The following C10orf90 variants were observed in gnomAD, a reference collection of about 807,000 sequenced individuals.
The protein encoded by C10orf90 is chromosome 10 open reading frame 90.
Under a neutral mutation model 62.5 loss-of-function variants are expected in C10orf90, and 56 were observed. The ratio of observed to expected loss-of-function variants is 0.90; its 90% CI spans 0.72 to 1.12. The LOEUF (loss-of-function observed/expected upper bound fraction) is 1.12, where lower values mean the gene tolerates loss of function less well. C10orf90 is among the 50% of genes most tolerant of loss of function. C10orf90 has a pLI of 0.00. For missense variants in C10orf90, 970 were observed against 880.4 expected (o/e 1.10, Z -1.29); for synonymous variants, 386 against 340.4 (o/e 1.13, Z -1.47).
intron 2 of C10orf90, among the ~76,000 whole-genome samples, chr10:126,565,328 TTTATATTA>T (rs1197584838): frequency 2.4e-4 from 11 of 45,626 alleles, no homozygotes; most frequent in African/African-American, 1.3e-3. Flanking sequence ...ATATTATATA[TTTATATTA>T]TATATAATAT....
At chr10:126,502,925 T>A in intron 4 of C10orf90, 1 of 389,664 alleles carries the variant, frequency 2.6e-6, no homozygotes, top group Non-Finnish European at 5.1e-6. Context: ...TTTCAATATA[T>A]ATACAGTTGT....
chr10:126,626,128 CAAAA>C (rs35587001), intron 2 of C10orf90, among the ~76,000 whole-genome samples: 120 of 109,888 alleles, frequency 1.1e-3, no homozygotes, highest in Middle Eastern at 4.6e-3. Context: ...GATTCCATCT[CAAAA>C]AAAAAAAAAA....
intron 2 of C10orf90, among the ~76,000 whole-genome samples, chr10:126,565,437 T>TAC (rs71032507): frequency 5.8e-4 from 42 of 72,434 alleles, no homozygotes; most frequent in Middle Eastern, 6.0e-3. Flanking sequence ...ATATATATTA[T>TAC]ACACACACAC....
At chr10:126,433,494 C>G (rs1447773606) in intron 7 of C10orf90, among the ~76,000 whole-genome samples, 4 of 152,066 alleles carry the variant, frequency 2.6e-5, no homozygotes. Flanking sequence ...AGCCCAGGGT[C>G]ACATAGACCT....
intron 2 of C10orf90, among the ~76,000 whole-genome samples, chr10:126,632,139 A>T (rs535551515): frequency 6.6e-6 from 1 of 152,234 alleles, no homozygotes; most frequent in East Asian, 1.9e-4. Flanking sequence ...AAGTGACGGT[A>T]AGTTTCAGGC....
chr10:126,478,165 G>T (rs1860993141), intron 4 of C10orf90, among the ~76,000 whole-genome samples: 1 of 152,194 alleles, frequency 6.6e-6, no homozygotes, highest in East Asian at 1.9e-4. Context: ...ATTTGAGAAA[G>T]ACAGAAGGCA....
chr10:126,637,506 C>T (rs1057429114), intron 2 of C10orf90, among the ~76,000 whole-genome samples: 1 of 152,212 alleles, frequency 6.6e-6, no homozygotes, highest in Non-Finnish European at 1.5e-5. Flanking sequence ...AGCAAGTATT[C>T]ATCAAATCCA....
intron 2 of C10orf90, among the ~76,000 whole-genome samples, chr10:126,623,902 T>C (rs1025370647): frequency 6.6e-6 from 1 of 150,990 alleles, no homozygotes; most frequent in Admixed American, 6.6e-5. Context: ...CAGGCTACAG[T>C]CCCAGCCCTT....
chr10:126,507,044 A>G (rs986522855), intron 3 of C10orf90, among the ~76,000 whole-genome samples: 5 of 151,984 alleles, frequency 3.3e-5, no homozygotes, highest in African/African-American at 1.2e-4. Flanking sequence ...CCATCACATT[A>G]TATGTGGGTT....
At chr10:126,506,222 T>C (rs2133893222) in intron 3 of C10orf90, among the ~76,000 whole-genome samples, 1 of 152,346 alleles carries the variant, frequency 6.6e-6, no homozygotes, top group East Asian at 1.9e-4. Flanking sequence ...CAAAAGAGTA[T>C]GCTATGATTT....
intron 2 of C10orf90, among the ~76,000 whole-genome samples, chr10:126,609,416 A>T (rs1348098710): frequency 6.6e-6 from 1 of 152,218 alleles, no homozygotes; most frequent in Non-Finnish European, 1.5e-5. Flanking sequence ...AAAACAAAAA[A>T]GGTATGTGAA....
At chr10:126,525,866 T>G (rs992635226) in intron 2 of C10orf90, among the ~76,000 whole-genome samples, 15 of 152,150 alleles carry the variant, frequency 9.9e-5, no homozygotes, top group African/African-American at 3.6e-4. Context: ...CTGTTGTTGT[T>G]GTTTAATGGA....
intron 7 of C10orf90, among the ~76,000 whole-genome samples, chr10:126,449,138 A>T (rs530605333): frequency 6.6e-6 from 1 of 152,360 alleles, no homozygotes; most frequent in African/African-American, 2.4e-5. Flanking sequence ...AAAATCCTCA[A>T]CAAAATACTA....
chr10:126,617,266 C>T (rs1439086079), intron 2 of C10orf90, among the ~76,000 whole-genome samples: 5 of 152,160 alleles, frequency 3.3e-5, no homozygotes, highest in African/African-American at 1.2e-4. Context: ...GGTCTCCAAC[C>T]AGAGCAGGAT....
intron 2 of C10orf90, among the ~76,000 whole-genome samples, chr10:126,576,245 T>A: frequency 6.6e-6 from 1 of 151,774 alleles, no homozygotes; most frequent in Non-Finnish European, 1.5e-5. Flanking sequence ...CCAATTTGAT[T>A]TAAAAATGGG....
rs1006256680 is a variant in C10orf90, at chr10:126,492,058, G to A, written c.1534+11899C>T. 1.9e-4 allele frequency among the ~76,000 whole-genome samples: 29 copies of A among 152,262 alleles called. 1 individual carries two copies. Among genetic ancestry groups the A allele is most frequent in the East Asian group, 7.7e-4 (4 of 5,188 alleles). On this transcript the variant is annotated intron_variant, in intron 4 of 9. Coordinates refer to ENST00000488181, the MANE Select transcript of C10orf90 (RefSeq NM_001350921.2). The stretch of plus-strand genomic sequence containing the variant: ...TAAATGCAAGATGGCATCCTGGATC[G>A]GATCCTGGAACAGAAAAAGGACATT...
intron 2 of C10orf90, among the ~76,000 whole-genome samples, chr10:126,532,495 C>T (rs939557050): frequency 6.6e-6 from 1 of 151,922 alleles, no homozygotes. Flanking sequence ...ATCAAAGTGG[C>T]ATCACTCTCA....
At chr10:126,460,385 T>G (rs2133717896) in intron 6 of C10orf90, among the ~76,000 whole-genome samples, 1 of 152,346 alleles carries the variant, frequency 6.6e-6, no homozygotes, top group Admixed American at 6.5e-5. Flanking sequence ...TGACTGAAAC[T>G]TTCCTCTGCC....
intron 2 of C10orf90, among the ~76,000 whole-genome samples, chr10:126,576,158 T>C (rs923005402): frequency 6.6e-6 from 1 of 151,768 alleles, no homozygotes; most frequent in African/African-American, 2.4e-5. Flanking sequence ...TGGGAGAAAA[T>C]ACTTGCAAAC....
Sources: gnomAD v4.1 joint callset for allele counts (sites outside exome capture counted in the v4.1 genomes callset) on GRCh38, gnomAD v4.1.1 for gene constraint, MANE v1.5 for transcripts, NCBI Gene and HGNC (gene_info 2026-07-23, HGNC 2026-07-21) for gene names.